EGF: variants seen among roughly 807,000 people sequenced by gnomAD.
EGF encodes the protein epidermal growth factor, also known as pro-epidermal growth factor.
In EGF, 95 loss-of-function variants were observed where a neutral mutation model predicts 143.8. The ratio of observed to expected loss-of-function variants is 0.66; its 90% CI spans 0.56 to 0.78. The LOEUF is 0.78. Among genes scored for constraint, EGF ranks in the 30% least tolerant of loss-of-function variants. EGF has a pLI of 0.00. For missense variants in EGF, 1,320 were observed against 1,470.9 expected (o/e 0.90, Z 1.68); for synonymous variants, 510 against 510.5 (o/e 1.00, Z 0.01).
intron 16 of EGF, among the ~76,000 whole-genome samples, chr4:109,987,019 A>C (rs1164758098): frequency 6.6e-6 from 1 of 152,192 alleles, no homozygotes; most frequent in African/African-American, 2.4e-5. Flanking sequence ...ATGTTGGTGC[A>C]CAGATCTACT....
Position 109,945,154 on chromosome 4 carries a change from C to T in EGF, c.819C>T (p.Asn273=). The change falls in exon 5 of 24, where the codon AAC becomes AAT. Residue 273 remains asparagine (N), a synonymous_variant. Coordinates refer to ENST00000265171, the MANE Select transcript of EGF (RefSeq NM_001963.6). ...TWKMKTIWIA[N]KHTGKDMVRI... The stretch of plus-strand genomic sequence containing the variant: ...AAATGAAGACAATTTGGATAGCCAA[C>T]AAACACACTGGAAAGGACATGGTTA... 6.2e-7 allele frequency: 1 copy of T among 1,614,088 alleles called. No individual in the cohort carries two copies. Among genetic ancestry groups the T allele is most frequent in the Non-Finnish European group, 8.5e-7 (1 of 1,180,018 alleles).
intron 1 of EGF, among the ~76,000 whole-genome samples, chr4:109,922,681 CAAG>C (rs892818638): frequency 1.5e-4 from 22 of 151,604 alleles, no homozygotes; most frequent in Non-Finnish European, 4.4e-5. Flanking sequence ...CCTTACTTTG[CAAG>C]AAGAAGTTCT....
chr4:109,921,838 G>T (rs1444030607), intron 1 of EGF, among the ~76,000 whole-genome samples: 1 of 151,392 alleles, frequency 6.6e-6, no homozygotes, highest in Non-Finnish European at 1.5e-5. Context: ...CTTGAAGGAG[G>T]ATCTTTCTTT....
chr4:109,943,883 G>A lies in EGF; in HGVS notation c.551G>A (p.Arg184Lys). 1 of 1,614,212 alleles carries A rather than the reference G, an allele frequency of 6.2e-7. No homozygotes were observed. The highest frequency in any genetic ancestry group is 8.5e-7 in the Non-Finnish European group (1 of 1,180,030). The change falls in exon 4 of 24, where the codon AGA becomes AAA. Residue 184 changes from arginine (R) to lysine (K), a missense_variant. Arg to Lys is a conservative substitution (Grantham distance 26). Transcript: ENST00000265171. ...WSSEVAGSLY[R>K]ADLDGVGVKA... is the part of the protein sequence containing the mutation. ...TCAGAGGTGGCTGGAAGCCTTTATA[G>A]AGCAGATCTCGATGGTGTGGGAGTG...
At chr4:109,964,337 A>C in intron 9 of EGF, 64 bp from the exon 10 acceptor site, 3 of 1,607,066 alleles carry the variant, frequency 1.9e-6, no homozygotes, top group South Asian at 1.1e-5. Flanking sequence ...GGGAAGAGTC[A>C]GAGATGCCTC....
intron 11 of EGF, among the ~76,000 whole-genome samples, chr4:109,972,622 T>C (rs1747843317): frequency 6.6e-6 from 1 of 152,200 alleles, no homozygotes; most frequent in South Asian, 2.1e-4. Context: ...GTATCCTTCT[T>C]ATGACCACTT....
chr4:110,008,313 C>T (rs545746268), intron 23 of EGF, 83 bp downstream of exon 23: 6 of 1,138,200 alleles, frequency 5.3e-6, no homozygotes, highest in Non-Finnish European at 7.6e-6. Context: ...CTCATTTAAC[C>T]ACACACACAC....
chr4:109,993,977 C>T (rs1308445471), intron 19 of EGF, among the ~76,000 whole-genome samples: 1 of 151,818 alleles, frequency 6.6e-6, no homozygotes, highest in African/African-American at 2.4e-5. Context: ...TGCCTGTCAG[C>T]CCTATAAGCA....
intron 1 of EGF, among the ~76,000 whole-genome samples, chr4:109,921,252 A>G (rs1419053881): frequency 1.3e-5 from 2 of 151,512 alleles, no homozygotes; most frequent in Admixed American, 6.6e-5. Flanking sequence ...TAGCAAATGT[A>G]TAGAAACTTC....
intron 13 of EGF, among the ~76,000 whole-genome samples, chr4:109,978,945 C>T (rs1023601240): frequency 2.6e-5 from 4 of 152,154 alleles, no homozygotes; most frequent in South Asian, 2.1e-4. Flanking sequence ...ATCCATTGTT[C>T]GTTTACAAAA....
At chr4:109,922,214 T>A (rs549534838) in intron 1 of EGF, among the ~76,000 whole-genome samples, 1 of 151,868 alleles carries the variant, frequency 6.6e-6, no homozygotes, top group African/African-American at 2.4e-5. Context: ...AAAGGCTTAT[T>A]ATTTTTTGGA....
chr4:109,983,641 T>TTAGGCAATA, intron 16 of EGF, 100 bp downstream of exon 16: 1 of 1,523,644 alleles, frequency 6.6e-7, no homozygotes, highest in Non-Finnish European at 9.0e-7. Context: ...ATTGCCTAAG[T>TTAGGCAATA]TCTACACAAG....
At chr4:109,964,136 C>T (rs542345685) in intron 9 of EGF, among the ~76,000 whole-genome samples, 1 of 152,252 alleles carries the variant, frequency 6.6e-6, no homozygotes, top group East Asian at 1.9e-4. Context: ...GGTTATTTAA[C>T]GCTGTCTCTT....
At chr4:110,009,126 C>T (rs562295610) in intron 23 of EGF, among the ~76,000 whole-genome samples, 2 of 152,226 alleles carry the variant, frequency 1.3e-5, no homozygotes, top group East Asian at 3.9e-4. Flanking sequence ...CTCTAAATTC[C>T]CTTCTCATAC....
At chr4:109,980,285 AGTTT>A in intron 14 of EGF, 146 bp downstream of exon 14, 2 of 880,416 alleles carry the variant, frequency 2.3e-6, no homozygotes, top group Middle Eastern at 2.3e-4. Flanking sequence ...CTAAGATTTA[AGTTT>A]GTTTAAGACA....
intron 10 of EGF, 49 bp from the exon 11 acceptor site, chr4:109,968,922 C>G: frequency 6.2e-7 from 1 of 1,612,298 alleles, no homozygotes; most frequent in Non-Finnish European, 8.5e-7. Context: ...GTATATATTC[C>G]ACATTAGTTT....
chr4:109,916,606 T>C (rs1306931243), intron 1 of EGF, among the ~76,000 whole-genome samples: 1 of 151,946 alleles, frequency 6.6e-6, no homozygotes, highest in Non-Finnish European at 1.5e-5. Context: ...CTTCTGGGAG[T>C]GGAATCTAGG....
intron 18 of EGF, among the ~76,000 whole-genome samples, chr4:109,990,160 G>A (rs1320760836): frequency 6.6e-6 from 1 of 152,102 alleles, no homozygotes; most frequent in Non-Finnish European, 1.5e-5. Flanking sequence ...ATCTGGGATA[G>A]CAATTCAATG....
chr4:109,918,639 C>T (rs1342022410), intron 1 of EGF, among the ~76,000 whole-genome samples: 1 of 152,060 alleles, frequency 6.6e-6, no homozygotes, highest in African/African-American at 2.4e-5. Flanking sequence ...CATGTACTGT[C>T]CCTTTCCCAT....
Sources: allele counts gnomAD v4.1 joint callset (sites outside exome capture counted in the v4.1 genomes callset), GRCh38; gene constraint gnomAD v4.1.1; transcripts MANE v1.5; gene names NCBI Gene and HGNC (gene_info 2026-07-23, HGNC 2026-07-21).